Variants in RAP1GAP observed in about 807,000 individuals in gnomAD.
The protein encoded by RAP1GAP is RAP1 GTPase activating protein.
RAP1GAP carries 35 observed loss-of-function variants against 87.2 expected under a neutral mutation model. The ratio of observed to expected loss-of-function variants is 0.40; its 90% CI spans 0.31 to 0.53. The LOEUF (loss-of-function observed/expected upper bound fraction) is 0.53, where lower values mean the gene tolerates loss of function less well. Ranked by LOEUF, RAP1GAP falls within the 20% of genes least tolerant of loss-of-function variation. RAP1GAP has a pLI of 0.48. For missense variants in RAP1GAP, 734 were observed against 898.9 expected, an observed-to-expected ratio of 0.82 and a Z score of 2.35; for synonymous variants, 375 against 363.9, an observed-to-expected ratio of 1.03 and a Z score of -0.35.
At chr1:21,611,385 G>C (rs970085517) in intron 13 of RAP1GAP, 67 bp downstream of exon 13, 28 of 1,549,598 alleles carry the variant, frequency 1.8e-5, no homozygotes, top group Non-Finnish European at 2.4e-5. Context: ...CGTGATGGAG[G>C]CTGAACAGAC....
intron 1 of RAP1GAP, among the ~76,000 whole-genome samples, chr1:21,653,905 G>C (rs1351742916): frequency 6.6e-6 from 1 of 152,174 alleles, no homozygotes; most frequent in Non-Finnish European, 1.5e-5. Flanking sequence ...AGTAGCCAAG[G>C]GGCCGCCAAC....
chr1:21,650,828 C>T (rs556543450), intron 1 of RAP1GAP, among the ~76,000 whole-genome samples: 1 of 152,294 alleles, frequency 6.6e-6, no homozygotes, highest in South Asian at 2.1e-4. Flanking sequence ...GGCCTCCCAC[C>T]CCACCCCACC....
intron 1 of RAP1GAP, among the ~76,000 whole-genome samples, chr1:21,660,437 G>C (rs1224584290): frequency 6.7e-6 from 1 of 149,412 alleles, no homozygotes; most frequent in African/African-American, 2.5e-5. Flanking sequence ...GGGTTCAAGC[G>C]ATTCTCTCGC....
Position 21,598,357 on chromosome 1 carries a change from C to T in RAP1GAP, c.1879+43G>A, listed in dbSNP as rs148265413. On this transcript the variant is annotated intron_variant, in intron 22 of 24. Transcript: ENST00000374765. ...GCCCAGCCCTGTCCCCCTCCTACCC[C>T]AAGGTAGCCCTGCTTTGTGGGGAAG... 924 of 1,543,142 alleles carry T rather than the reference C, an allele frequency of 6.0e-4. 2 individuals carry two copies. In the African/African-American group the frequency reaches 0.011, roughly 19 times the overall value.
intron 18 of RAP1GAP, 32 bp from the exon 19 acceptor site, chr1:21,602,945 T>C (rs1472105315): frequency 6.6e-7 from 1 of 1,519,720 alleles, no homozygotes; most frequent in Non-Finnish European, 8.9e-7. Flanking sequence ...CAGTGCCACC[T>C]TACCTGGGAG....
chr1:21,601,406 C>G (rs891371286), intron 20 of RAP1GAP, among the ~76,000 whole-genome samples: 2 of 152,236 alleles, frequency 1.3e-5, no homozygotes, highest in African/African-American at 4.8e-5. Context: ...CATGATCCGG[C>G]AACAGCCTAT....
At chr1:21,653,491 G>A (rs3767123) in intron 1 of RAP1GAP, among the ~76,000 whole-genome samples, 17,969 of 151,940 alleles carry the variant, frequency 0.12, 1,397 homozygotes, top group East Asian at 0.25. Flanking sequence ...ACCAGGGCAG[G>A]CTCCTGAGGG....
intron 1 of RAP1GAP, among the ~76,000 whole-genome samples, chr1:21,658,796 C>T (rs994101788): frequency 6.6e-6 from 1 of 150,896 alleles, no homozygotes; most frequent in Non-Finnish European, 1.5e-5. Flanking sequence ...TTCTTTGGCT[C>T]TTGTGGTGTG....
intron 13 of RAP1GAP, among the ~76,000 whole-genome samples, chr1:21,611,042 C>T (rs2077898072): frequency 6.6e-6 from 1 of 152,096 alleles, no homozygotes; most frequent in African/African-American, 2.4e-5. Flanking sequence ...GGAACATTTC[C>T]CTTCCTTCTC....
chr1:21,645,643 T>C (rs75996056), intron 2 of RAP1GAP, among the ~76,000 whole-genome samples: 7,616 of 152,304 alleles, frequency 0.05, 217 homozygotes, highest in African/African-American at 0.071. Flanking sequence ...GGCATTTGCC[T>C]TGGGAGATCC....
At chr1:21,601,327 C>G (rs4654973) in intron 20 of RAP1GAP, among the ~76,000 whole-genome samples, 81,113 of 151,948 alleles carry the variant, frequency 0.53, 21,813 homozygotes, top group Middle Eastern at 0.62. Context: ...CCCCGAGGAC[C>G]CATCTAAAAC....
At chr1:21,600,615 A>G (rs977386206) in intron 20 of RAP1GAP, among the ~76,000 whole-genome samples, 8 of 152,256 alleles carry the variant, frequency 5.3e-5, no homozygotes, top group East Asian at 3.9e-4. Context: ...GGCTGGGCGC[A>G]GTGGCTCACG....
Position 21,613,879 on chromosome 1 carries a change from T to C in RAP1GAP, c.395+107A>G. 8.4e-7 allele frequency: 1 copy of C among 1,192,896 alleles called. No individual in the cohort carries two copies. Among genetic ancestry groups the C allele is most frequent in the Non-Finnish European group, 1.2e-6 (1 of 830,568 alleles). The allele number at this position is 1,192,896 out of a possible 1,614,324, so 73.9% of individuals were successfully genotyped here. A position where few individuals can be genotyped will look rare whatever the true frequency, so the allele number is the denominator to read the frequency against. On this transcript the variant is annotated intron_variant, in intron 8 of 24. Coordinates refer to ENST00000374765, the MANE Select transcript of RAP1GAP (RefSeq NM_002885.4). This position sits in a 1 kb window ranked among gnomAD's most constrained non-coding sequence, Gnocchi z 4.7. ...TGCTGTGCAACCTCAAGCAAATCCC[T>C]GCCCCTCTATGGGCCTTGATGAAGA...
At chr1:21,633,020 G>A (rs574360391) in intron 2 of RAP1GAP, among the ~76,000 whole-genome samples, 2 of 152,330 alleles carry the variant, frequency 1.3e-5, no homozygotes, top group African/African-American at 4.8e-5. Flanking sequence ...TTAACCAGCT[G>A]GAGGGGTGGT....
At chr1:21,610,683 G>C (rs935606093) in intron 13 of RAP1GAP, among the ~76,000 whole-genome samples, 2 of 152,128 alleles carry the variant, frequency 1.3e-5, no homozygotes, top group Non-Finnish European at 2.9e-5. Context: ...TTGGGGACTC[G>C]AGCCCAGGTC....
At chr1:21,645,480 AAAAAATAAAAAT>A (rs551551105) in intron 2 of RAP1GAP, among the ~76,000 whole-genome samples, 16 of 152,278 alleles carry the variant, frequency 1.1e-4, no homozygotes, top group Middle Eastern at 3.4e-3. Context: ...ACCCTGTCTC[AAAAAATAAAAAT>A]AAAAATAAAA....
chr1:21,598,602 C>T (rs1445013554), intron 21 of RAP1GAP, 100 bp from the exon 22 acceptor site: 4 of 950,626 alleles, frequency 4.2e-6, no homozygotes, highest in Admixed American at 4.2e-5. Flanking sequence ...TCCACAACCC[C>T]CCACCCGTAC....
Position 21,617,328 on chromosome 1 carries a change from T to C in RAP1GAP, c.269A>G (p.Tyr90Cys). The C allele has an allele frequency of 6.3e-7, 1 of 1,586,326 alleles. No individual in the cohort carries two copies. Among genetic ancestry groups the C allele is most frequent in the Non-Finnish European group, 8.6e-7 (1 of 1,165,738 alleles). The change falls in exon 7 of 25, where the codon TAC becomes TGC. Residue 90 changes from tyrosine to cysteine, a missense_variant. Coordinates refer to ENST00000374765, the MANE Select transcript of RAP1GAP (RefSeq NM_002885.4). The stretch of plus-strand genomic sequence containing the variant: ...CACCTTGCCGAGAAAGTGCTTCCGG[T>C]AGATGCGGGCTGTGGGGTTGCACTC... ...KLECNPTARIYRKHFLGKEHF... is the reference protein window; with the variant it reads ...KLECNPTARICRKHFLGKEHF...
intron 2 of RAP1GAP, among the ~76,000 whole-genome samples, chr1:21,638,190 G>A (rs933531026): frequency 4.0e-4 from 60 of 151,470 alleles, no homozygotes; most frequent in African/African-American, 1.4e-3. Context: ...GGGCATGGTG[G>A]CTCACACCTA....
Sources: allele counts gnomAD v4.1 joint callset (sites outside exome capture counted in the v4.1 genomes callset), GRCh38; gene constraint gnomAD v4.1.1; non-coding constraint Gnocchi (gnomAD v3.1); transcripts MANE v1.5; gene names NCBI Gene and HGNC (gene_info 2026-07-23, HGNC 2026-07-21).